ST3GAL3: variants seen among roughly 807,000 people sequenced by gnomAD.
The protein encoded by ST3GAL3 is CMP-N-acetylneuraminate-beta-1,4-galactoside alpha-2,3-sialyltransferase.
Under a neutral mutation model 50.1 loss-of-function variants are expected in ST3GAL3, and 21 were observed. The ratio of observed to expected loss-of-function variants is 0.42; its 90% confidence interval spans 0.30 to 0.60. The LOEUF is 0.60. Ranked by LOEUF, ST3GAL3 falls within the 20% of genes least tolerant of loss-of-function variation. The probability of loss-of-function intolerance (pLI) is 0.19; values close to 1 mark genes in which losing one functional copy is unlikely to be tolerated. For synonymous variants in ST3GAL3, 183 were observed against 190.0 expected, an observed-to-expected ratio of 0.96 and a Z score of 0.30; for missense variants, 353 against 489.4, an observed-to-expected ratio of 0.72 and a Z score of 2.63.
At chr1:43,856,327 C>T (rs1470499196) in intron 5 of ST3GAL3, among the ~76,000 whole-genome samples, 2 of 152,146 alleles carry the variant, frequency 1.3e-5, no homozygotes, top group African/African-American at 4.8e-5. Context: ...TTACGACAAC[C>T]CCGTGAAGTA....
intron 2 of ST3GAL3, among the ~76,000 whole-genome samples, chr1:43,763,426 T>C (rs1691307791): frequency 6.6e-6 from 1 of 152,076 alleles, no homozygotes; most frequent in African/African-American, 2.4e-5. Context: ...ATTCTGTTAT[T>C]CTTTCTAACT....
At chr1:43,840,494 C>T (rs994750342) in intron 5 of ST3GAL3, 5 of 152,192 alleles carry the variant, frequency 3.3e-5, no homozygotes, top group Admixed American at 6.5e-5. Flanking sequence ...ACTCAAAAGT[C>T]CTACTGTGGT....
chr1:43,916,452 T>C (rs1175428415), intron 9 of ST3GAL3, among the ~76,000 whole-genome samples: 2 of 152,194 alleles, frequency 1.3e-5, no homozygotes, highest in East Asian at 3.8e-4. Context: ...GTTCCCAGGT[T>C]GCTGGTTTGG....
Position 43,754,728 on chromosome 1 carries a change from A to G in ST3GAL3, c.118+18348A>G, listed in dbSNP as rs559905241. On this transcript the variant is annotated intron_variant, in intron 2 of 11. Transcript: ENST00000347631. Reference sequence around the variant, plus strand: ...CAGCAGCACTTCGGGAAGATGAGGCAGGAGGATGGCTTGGACTTTGATACC... The same window carrying G: ...CAGCAGCACTTCGGGAAGATGAGGCGGGAGGATGGCTTGGACTTTGATACC... 2.0e-5 allele frequency among the ~76,000 whole-genome samples: 3 copies of G among 152,282 alleles called. No individual in the cohort carries two copies. In the South Asian group the frequency reaches 6.2e-4, roughly 32 times the overall value.
chr1:43,904,852 A>C (rs1227129399), intron 9 of ST3GAL3, among the ~76,000 whole-genome samples: 17 of 38,350 alleles, frequency 4.4e-4, no homozygotes, highest in Admixed American at 1.4e-3. Context: ...TATTCCTGCC[A>C]CTCTTCCTCC....
intron 5 of ST3GAL3, among the ~76,000 whole-genome samples, chr1:43,843,993 CCT>C (rs1160320913): frequency 6.6e-6 from 1 of 152,180 alleles, no homozygotes; most frequent in African/African-American, 2.4e-5. Context: ...AAGACCATCC[CCT>C]CTTGGGTTTG....
chr1:43,771,486 T>G (rs754060595), intron 2 of ST3GAL3, among the ~76,000 whole-genome samples: 1 of 152,088 alleles, frequency 6.6e-6, no homozygotes, highest in Non-Finnish European at 1.5e-5. Context: ...GCCTCCGGAA[T>G]AGCTGGGACT....
chr1:43,878,336 A>G (rs1015383013), intron 5 of ST3GAL3, among the ~76,000 whole-genome samples: 2 of 152,232 alleles, frequency 1.3e-5, no homozygotes, highest in East Asian at 1.9e-4. Flanking sequence ...AACACAAGCA[A>G]TAAACAACTA....
intron 5 of ST3GAL3, chr1:43,851,489 T>G (rs2067292792): frequency 1.2e-5 from 19 of 1,596,854 alleles, no homozygotes; most frequent in Admixed American, 8.3e-5. Flanking sequence ...CAGTCCTGCC[T>G]TAGTATCTCT....
intron 5 of ST3GAL3, among the ~76,000 whole-genome samples, chr1:43,843,967 A>G (rs752926085): frequency 6.6e-6 from 1 of 152,228 alleles, no homozygotes; most frequent in Admixed American, 6.5e-5. Flanking sequence ...CCAACCAGCT[A>G]TAAGTTGTGA....
intron 2 of ST3GAL3, chr1:43,771,766 GTGTGTA>G (rs1414772521): frequency 2.7e-5 from 10 of 373,568 alleles, no homozygotes; most frequent in Admixed American, 4.7e-5. Context: ...GTGTGTGTGT[GTGTGTA>G]TAGTATCTGC....
intron 9 of ST3GAL3, among the ~76,000 whole-genome samples, chr1:43,902,220 C>T (rs1473783754): frequency 6.6e-6 from 1 of 152,210 alleles, no homozygotes; most frequent in African/African-American, 2.4e-5. Flanking sequence ...CTCTCTGCAC[C>T]TGTCTGGAGC....
chr1:43,744,992 AAAAAAAG>A (rs1417853192), intron 2 of ST3GAL3, among the ~76,000 whole-genome samples: 2 of 129,440 alleles, frequency 1.5e-5, no homozygotes, highest in South Asian at 2.6e-4. Context: ...CTGTGTTTGA[AAAAAAAG>A]AAAAAAGAAA....
intron 5 of ST3GAL3, among the ~76,000 whole-genome samples, chr1:43,863,423 C>T (rs2070498618): frequency 6.6e-6 from 1 of 152,166 alleles, no homozygotes; most frequent in Admixed American, 6.5e-5. Context: ...AATGACTTTG[C>T]ATGGACCAGG....
chr1:43,926,504 G>A (rs371250570), intron 11 of ST3GAL3, among the ~76,000 whole-genome samples: 9 of 149,538 alleles, frequency 6.0e-5, no homozygotes, highest in East Asian at 1.9e-4. Flanking sequence ...CAGGAGAATC[G>A]CTTGAACTCG....
chr1:43,836,733 T>C (rs2064391140), intron 4 of ST3GAL3, among the ~76,000 whole-genome samples: 1 of 152,216 alleles, frequency 6.6e-6, no homozygotes, highest in South Asian at 2.1e-4. Context: ...ATGCAGGGCC[T>C]CCAGCCCCGG....
At chr1:43,925,890 C>T (rs1229778414) in intron 11 of ST3GAL3, among the ~76,000 whole-genome samples, 3 of 152,236 alleles carry the variant, frequency 2.0e-5, no homozygotes, top group South Asian at 4.2e-4. Flanking sequence ...AGGTGGCCGT[C>T]GGATGTAGCT....
At chr1:43,729,448 A>G (rs1674632735) in intron 1 of ST3GAL3, among the ~76,000 whole-genome samples, 1 of 152,188 alleles carries the variant, frequency 6.6e-6, no homozygotes, top group Non-Finnish European at 1.5e-5. Context: ...TATTAATTCC[A>G]GTTTTCCCTT....
intron 2 of ST3GAL3, chr1:43,739,407 G>T (rs956044728): frequency 6.6e-6 from 1 of 152,040 alleles, no homozygotes; most frequent in Non-Finnish European, 1.5e-5. Context: ...TAGAGATGGG[G>T]TTTCTCCACG....
Sources: allele counts gnomAD v4.1 joint callset (sites outside exome capture counted in the v4.1 genomes callset), GRCh38; gene constraint gnomAD v4.1.1; transcripts MANE v1.5; gene names NCBI Gene and HGNC (gene_info 2026-07-23, HGNC 2026-07-21).